The following HYDIN variants were observed in gnomAD, a reference collection of about 807,000 sequenced individuals.
The protein encoded by HYDIN is HYDIN axonemal central pair apparatus protein.
A neutral mutation model predicts 403.9 loss-of-function variants in HYDIN; 132 were observed. The ratio of observed to expected loss-of-function variants is 0.33; its 90% CI spans 0.28 to 0.38. The LOEUF is 0.38. Ranked by LOEUF, HYDIN falls within the 10% of genes least tolerant of loss-of-function variation. HYDIN has a pLI of 1.00. For synonymous variants in HYDIN, 1,202 were observed against 1,891.7 expected, an observed-to-expected ratio of 0.64 and a Z score of 9.46; for missense variants, 2,827 against 5,009.5, an observed-to-expected ratio of 0.56 and a Z score of 13.15.
intron 53 of HYDIN, among the ~76,000 whole-genome samples, chr16:70,897,783 G>GGCTCTACGGA (rs2076247160): frequency 6.6e-6 from 1 of 152,196 alleles, no homozygotes. Flanking sequence ...CACTTTGCGG[G>GGCTCTACGGA]GCTCTACGGA....
At chr16:71,090,056 G>C (rs1338813699) in intron 11 of HYDIN, 2 of 108,514 alleles carry the variant, frequency 1.8e-5, no homozygotes, top group African/African-American at 8.3e-5. Context: ...AGCAGAGGCA[G>C]AGCAGAGGAA....
At chr16:71,192,750 T>TAA (rs1306462653) in intron 1 of HYDIN, among the ~76,000 whole-genome samples, 2 of 152,216 alleles carry the variant, frequency 1.3e-5, no homozygotes, top group Non-Finnish European at 2.9e-5. Flanking sequence ...ACCGGACTCT[T>TAA]AAGTTTTTTG....
rs141383177 is a variant in HYDIN at position 71,227,652 on chromosome 16, A to G, written c.-24+2910T>C. Among the ~76,000 whole-genome samples the G allele has an allele frequency of 2.2e-3, 328 of 152,360 alleles. 1 individual carries two copies. Among genetic ancestry groups the G allele is most frequent in the Non-Finnish European group, 1.9e-3 (127 of 68,032 alleles). Reference sequence around the variant, plus strand: ...AAGGAGAAGTACAAACCACTGCTCAACGAAATAAAAGAGGACACAAATGGA... The same window carrying G: ...AAGGAGAAGTACAAACCACTGCTCAGCGAAATAAAAGAGGACACAAATGGA... On this transcript the variant is annotated intron_variant, in intron 1 of 85. Coordinates refer to ENST00000393567, the MANE Select transcript of HYDIN (RefSeq NM_001270974.2).
At chr16:70,942,499 T>C (rs1309534435) in intron 42 of HYDIN, among the ~76,000 whole-genome samples, 1 of 152,140 alleles carries the variant, frequency 6.6e-6, no homozygotes, top group Non-Finnish European at 1.5e-5. Context: ...GCTGGGCCTT[T>C]TGTATTTTTC....
intron 18 of HYDIN, among the ~76,000 whole-genome samples, chr16:71,050,275 T>C (rs1005487557): frequency 4.6e-5 from 7 of 151,050 alleles, no homozygotes; most frequent in African/African-American, 1.7e-4. Context: ...AAAATTTTTA[T>C]CACCAACAAT....
intron 47 of HYDIN, among the ~76,000 whole-genome samples, chr16:70,913,453 G>C (rs2076752012): frequency 1.3e-5 from 2 of 150,544 alleles, no homozygotes; most frequent in African/African-American, 4.9e-5. Context: ...TCCTTCTGGA[G>C]TTGATTTCCA....
intron 53 of HYDIN, among the ~76,000 whole-genome samples, chr16:70,898,859 TC>T (rs1331421534): frequency 1.3e-4 from 19 of 151,390 alleles, no homozygotes; most frequent in Admixed American, 2.6e-4. Context: ...TTCTCCTGCC[TC>T]AGCCTCCCGA....
chr16:71,163,119 CT>C lies in HYDIN; in HGVS notation c.517-390del, dbSNP rs71272746. 1.9e-3 allele frequency among the ~76,000 whole-genome samples: 229 copies of C among 120,746 alleles called. 1 individual carries two copies. Among genetic ancestry groups the C allele is most frequent in the East Asian group, 0.016 (64 of 4,020 alleles). The allele number at this position is 120,746 out of a possible 152,430, so 79.2% of individuals were successfully genotyped here. ...AAGCCCATGTATTAGAATGATGTTTCTTTTTTTTTTTTTTTTTTTTTGAGAC... is the reference window on the plus strand; with the variant it reads ...AAGCCCATGTATTAGAATGATGTTTCTTTTTTTTTTTTTTTTTTTTGAGAC... On this transcript the variant is annotated intron_variant, in intron 5 of 85. Transcript: ENST00000393567.
intron 55 of HYDIN, among the ~76,000 whole-genome samples, 171 bp from the exon 56 acceptor site, chr16:70,892,700 G>GA (rs1469109465): frequency 6.6e-6 from 1 of 151,714 alleles, no homozygotes; most frequent in Non-Finnish European, 1.5e-5. Flanking sequence ...CCTTAGCCAG[G>GA]ATTGACCAGG....
intron 27 of HYDIN, among the ~76,000 whole-genome samples, chr16:70,986,219 C>G (rs1226271551): frequency 3.5e-4 from 49 of 140,882 alleles, no homozygotes; most frequent in African/African-American, 1.2e-3. Context: ...CTTTTCCATT[C>G]AAATGGAGAA....
intron 53 of HYDIN, among the ~76,000 whole-genome samples, chr16:70,898,975 T>A (rs2143744952): frequency 6.6e-6 from 1 of 152,326 alleles, no homozygotes; most frequent in East Asian, 1.9e-4. Context: ...TTCACCATGT[T>A]GGCCAGGGTG....
chr16:71,102,245 A>AG (rs1469284582), intron 10 of HYDIN, among the ~76,000 whole-genome samples: 11 of 152,030 alleles, frequency 7.2e-5, no homozygotes, highest in Admixed American at 2.0e-4. Context: ...AATATGGTAG[A>AG]GTCCCATTTC....
At chr16:71,225,632 C>G (rs2041001378) in intron 1 of HYDIN, among the ~76,000 whole-genome samples, 1 of 152,038 alleles carries the variant, frequency 6.6e-6, no homozygotes, top group Admixed American at 6.5e-5. Flanking sequence ...GGATGAAACA[C>G]AGAGTGAAAT....
chr16:71,124,227 T>C (rs1408303104), intron 9 of HYDIN, among the ~76,000 whole-genome samples: 1 of 152,070 alleles, frequency 6.6e-6, no homozygotes, highest in Non-Finnish European at 1.5e-5. Context: ...TGTTAAATGA[T>C]GAGCATGATG....
intron 37 of HYDIN, among the ~76,000 whole-genome samples, chr16:70,962,610 T>C (rs1260016818): frequency 2.0e-5 from 3 of 151,660 alleles, no homozygotes; most frequent in Non-Finnish European, 4.4e-5. Context: ...CATGACCATT[T>C]CCTGTGTCAT....
chr16:70,942,680 G>T (rs867783834), intron 42 of HYDIN, among the ~76,000 whole-genome samples: 35 of 152,156 alleles, frequency 2.3e-4, no homozygotes, highest in African/African-American at 7.7e-4. Flanking sequence ...TAAATGACCT[G>T]TATCACTAAA....
At chr16:70,877,170 T>G (rs1174192189) in intron 62 of HYDIN, among the ~76,000 whole-genome samples, 2 of 146,618 alleles carry the variant, frequency 1.4e-5, no homozygotes, top group African/African-American at 5.4e-5. Flanking sequence ...AGAGGAAAAG[T>G]GAGTGGAAAA....
In HYDIN at chr16:71,157,718, C is replaced by T. The variant is rs1352300731; in HGVS notation, c.716+4813G>A. Among the ~76,000 whole-genome samples, 4 of 147,988 alleles carry T rather than the reference C, an allele frequency of 2.7e-5. No individual in the cohort carries two copies. In the East Asian group the frequency reaches 7.9e-4, roughly 29 times the overall value. On this transcript the variant is annotated intron_variant, in intron 6 of 85. Transcript: ENST00000393567. Reference sequence around the variant, plus strand: ...TTCATGAAGAGTCTAAACAGGAAAACAAAAATATTTGCAAACAGGGAATTT... The same window carrying T: ...TTCATGAAGAGTCTAAACAGGAAAATAAAAATATTTGCAAACAGGGAATTT...
chr16:70,968,949 G>A (rs2078661719), intron 36 of HYDIN, among the ~76,000 whole-genome samples: 2 of 151,622 alleles, frequency 1.3e-5, no homozygotes, highest in Admixed American at 1.3e-4. Flanking sequence ...AGAAACACAA[G>A]ATATAAAAAA....
Sources: allele counts gnomAD v4.1 joint callset (sites outside exome capture counted in the v4.1 genomes callset), GRCh38; gene constraint gnomAD v4.1.1; transcripts MANE v1.5; gene names NCBI Gene and HGNC (gene_info 2026-07-23, HGNC 2026-07-21).